The following RIC1 variants were observed in gnomAD, a reference collection of about 807,000 sequenced individuals.
RIC1 encodes RIC1 partner of RAB6A GEF complex.
RIC1 carries 88 observed loss-of-function variants against 169.0 expected under a neutral mutation model. That is an observed-to-expected ratio of 0.52 (90% CI 0.44 to 0.62). The LOEUF is 0.62. RIC1 is among the 20% of genes least tolerant of loss of function. The pLI, the probability that RIC1 is intolerant of heterozygous loss-of-function variation, is 0.00. For missense variants in RIC1, 1,877 were observed against 1,725.5 expected (o/e 1.09, Z -1.56); for synonymous variants, 790 against 601.5 (o/e 1.31, Z -4.59).
chr9:5,687,879 C>G (rs1821347461), intron 2 of RIC1, among the ~76,000 whole-genome samples: 1 of 152,148 alleles, frequency 6.6e-6, no homozygotes, highest in Non-Finnish European at 1.5e-5. Flanking sequence ...GAAGTTGTTC[C>G]TCAATTCACT....
At chr9:5,661,696 T>C (rs1322284603) in intron 2 of RIC1, among the ~76,000 whole-genome samples, 1 of 152,210 alleles carries the variant, frequency 6.6e-6, no homozygotes. Context: ...CCTTAGACTT[T>C]GCTGAAGTTG....
rs1477316165 is a variant in RIC1, at chr9:5,775,503, AAAAC to A, written c.*1262_*1265del. On this transcript the variant is annotated 3_prime_UTR_variant, in exon 26 of 26. Coordinates refer to ENST00000414202, the MANE Select transcript of RIC1 (RefSeq NM_020829.4). ...AGGAATGCAATGTTATTTTTTACAA[AAAAC>A]AAACTTGTTTATTTTTATAATAACG... The A allele has an allele frequency of 5.9e-5, 9 of 152,228 alleles. No individual in the cohort carries two copies. The highest frequency in any genetic ancestry group is 1.9e-4 in the African/African-American group (8 of 41,460). The allele number at this position is 152,228 out of a possible 1,614,324, so 9.4% of individuals were successfully genotyped here. A position where few individuals can be genotyped will look rare whatever the true frequency, so the allele number is the denominator to read the frequency against.
In RIC1 at chr9:5,681,841, C is replaced by T. The variant is rs185298241; in HGVS notation, c.253-8118C>T. 2.6e-4 allele frequency among the ~76,000 whole-genome samples: 40 copies of T among 152,186 alleles called. 1 individual carries two copies. In the East Asian group the frequency reaches 6.7e-3, roughly 26 times the overall value. On this transcript the variant is annotated intron_variant, in intron 2 of 25. Coordinates refer to ENST00000414202, the MANE Select transcript of RIC1 (RefSeq NM_020829.4). ...TCTAGGTGCTCCTGTATTGCGTGCTCCTGTATTGGGTGCATATATATTTAG... is the reference window on the plus strand; with the variant it reads ...TCTAGGTGCTCCTGTATTGCGTGCTTCTGTATTGGGTGCATATATATTTAG...
intron 3 of RIC1, among the ~76,000 whole-genome samples, chr9:5,705,371 C>G (rs368669385): frequency 2.2e-4 from 34 of 152,116 alleles, no homozygotes; most frequent in African/African-American, 7.9e-4. Flanking sequence ...CTTACTCATC[C>G]TTGGGTCAGT....
chr9:5,723,663 G>A (rs559903209), intron 6 of RIC1, among the ~76,000 whole-genome samples: 9 of 152,140 alleles, frequency 5.9e-5, no homozygotes, highest in Non-Finnish European at 1.0e-4. Flanking sequence ...TATTGTCTAG[G>A]TTTTCTTCTA....
At chr9:5,773,861 C>G (rs1302674179) in intron 25 of RIC1, 97 bp from the exon 26 acceptor site, 11 of 1,197,706 alleles carry the variant, frequency 9.2e-6, no homozygotes, top group Middle Eastern at 2.2e-4. Context: ...CTATCGTCGT[C>G]TTTACCATAT....
chr9:5,718,676 C>T (rs1823412590), intron 4 of RIC1, among the ~76,000 whole-genome samples: 1 of 152,152 alleles, frequency 6.6e-6, no homozygotes, highest in African/African-American at 2.4e-5. Context: ...TTTTTATACT[C>T]TACCCACCAA....
intron 2 of RIC1, among the ~76,000 whole-genome samples, chr9:5,671,847 A>T (rs1263877238): frequency 6.6e-6 from 1 of 152,084 alleles, no homozygotes; most frequent in Non-Finnish European, 1.5e-5. Flanking sequence ...TTGCTTTGCC[A>T]CTCCTTAAGG....
chr9:5,773,761 G>T (rs1043855961), intron 25 of RIC1, among the ~76,000 whole-genome samples, 197 bp from the exon 26 acceptor site: 1 of 152,084 alleles, frequency 6.6e-6, no homozygotes, highest in Non-Finnish European at 1.5e-5. Context: ...TAAGCCTCAG[G>T]CTTATGCAAT....
intron 6 of RIC1, among the ~76,000 whole-genome samples, chr9:5,722,665 TCATTTA>T (rs1330385881): frequency 5.9e-5 from 9 of 152,140 alleles, no homozygotes; most frequent in Admixed American, 1.3e-4. Flanking sequence ...CATTAACTCG[TCATTTA>T]CATTAGGTAT....
chr9:5,638,282 A>C, intron 1 of RIC1, among the ~76,000 whole-genome samples: 1 of 152,206 alleles, frequency 6.6e-6, no homozygotes, highest in East Asian at 1.9e-4. Flanking sequence ...ATCAGTGTTC[A>C]TCAGAAATAT....
chr9:5,734,747 C>T (rs1235761063), intron 7 of RIC1, among the ~76,000 whole-genome samples: 1 of 152,180 alleles, frequency 6.6e-6, no homozygotes, highest in African/African-American at 2.4e-5. Context: ...AACTGGTCAA[C>T]ATTGTGAGAT....
At chr9:5,773,139 T>A in intron 25 of RIC1, 59 bp downstream of exon 25, 1 of 1,074,144 alleles carries the variant, frequency 9.3e-7, no homozygotes, top group Admixed American at 2.7e-5. Context: ...AATCCTGTCC[T>A]TTCACATTAA....
chr9:5,732,583 C>G (rs1824437801), intron 7 of RIC1, 104 bp downstream of exon 7: 6 of 605,392 alleles, frequency 9.9e-6, no homozygotes, highest in Admixed American at 3.0e-5. Context: ...TAAACTGCAT[C>G]ATGCTATCAT....
rs575987203 is a variant in RIC1, at chr9:5,681,741, G to A, written c.253-8218G>A. The stretch of plus-strand genomic sequence containing the variant: ...TTGATCTGTCTAATGGTGACAGTGG[G>A]GTGTTAAAGTCTCCCATTATTATTG... On this transcript the variant is annotated intron_variant, in intron 2 of 25. Coordinates refer to ENST00000414202, the MANE Select transcript of RIC1 (RefSeq NM_020829.4). 4.6e-5 allele frequency among the ~76,000 whole-genome samples: 7 copies of A among 152,148 alleles called. No individual in the cohort carries two copies. In the East Asian group the frequency reaches 5.8e-4, roughly 13 times the overall value.
chr9:5,651,460 C>T (rs952585681), intron 1 of RIC1, among the ~76,000 whole-genome samples: 3 of 151,392 alleles, frequency 2.0e-5, no homozygotes, highest in East Asian at 2.0e-4. Context: ...AGGTCTTATC[C>T]AAAAAATTCC....
intron 2 of RIC1, 68 bp downstream of exon 2, chr9:5,656,758 T>C: frequency 3.3e-6 from 3 of 896,826 alleles, no homozygotes; most frequent in Non-Finnish European, 5.4e-6. Flanking sequence ...AATTTGATTC[T>C]CTTAGATGAC....
intron 7 of RIC1, among the ~76,000 whole-genome samples, chr9:5,736,774 A>G (rs1824734973): frequency 6.6e-6 from 1 of 152,212 alleles, no homozygotes; most frequent in Non-Finnish European, 1.5e-5. Flanking sequence ...GAGAAGATTA[A>G]TGAACTTGAA....
rs145856254 is a variant in RIC1, at chr9:5,774,146, T to A, written c.4172T>A (p.Val1391Asp). 2.5e-6 allele frequency: 4 copies of A among 1,613,840 alleles called. No homozygotes were observed. The South Asian group carries it at 4.4e-5, about 18-fold the overall frequency. ...SSHGSIPQGEVGSSNMVSRKE... is the reference protein window; with the variant it reads ...SSHGSIPQGEDGSSNMVSRKE... Reference sequence around the variant, plus strand: ...CATGGAAGCATCCCCCAGGGTGAAGTTGGAAGCAGCAATATGGTCAGCCGG... The same window carrying A: ...CATGGAAGCATCCCCCAGGGTGAAGATGGAAGCAGCAATATGGTCAGCCGG... The change falls in exon 26 of 26, where the codon GTT becomes GAT. Residue 1391 changes from valine to aspartate, a missense_variant. Around this residue, in one of 3 missense-constraint regions of RIC1, gnomAD observed 681 missense variants for 582.0 expected, o/e 1.17. Coordinates refer to ENST00000414202, the MANE Select transcript of RIC1 (RefSeq NM_020829.4).
Sources: allele counts gnomAD v4.1 joint callset (sites outside exome capture counted in the v4.1 genomes callset), GRCh38; gene constraint gnomAD v4.1.1; regional missense constraint gnomAD v4.1.1; transcripts MANE v1.5; gene names NCBI Gene and HGNC (gene_info 2026-07-23, HGNC 2026-07-21).